Variants in TFEC observed in about 807,000 individuals in gnomAD.
The protein encoded by TFEC is transcription factor EC, also known as class E basic helix-loop-helix protein 34.
Under a neutral mutation model 41.6 loss-of-function variants are expected in TFEC, and 31 were observed. The ratio of observed to expected loss-of-function variants is 0.74; its 90% CI spans 0.56 to 1.01. The LOEUF (loss-of-function observed/expected upper bound fraction) is 1.01. Ranked by LOEUF, TFEC falls within the 50% of genes least tolerant of loss-of-function variation. TFEC has a pLI of 0.00. For missense variants in TFEC, 402 were observed against 404.1 expected (o/e 0.99, Z 0.04); for synonymous variants, 143 against 140.6 (o/e 1.02, Z -0.12).
intron 1 of TFEC, among the ~76,000 whole-genome samples, chr7:115,992,310 A>G (rs1794156893): frequency 6.6e-6 from 1 of 152,246 alleles, no homozygotes; most frequent in Non-Finnish European, 1.5e-5. Flanking sequence ...GAGAAGCAAG[A>G]GAAAACACAT....
intron 3 of TFEC, among the ~76,000 whole-genome samples, chr7:116,107,909 T>C (rs1008803889): frequency 4.6e-5 from 7 of 152,184 alleles, no homozygotes; most frequent in Non-Finnish European, 1.0e-4. Context: ...TAGAATACTA[T>C]ATGTAAAGTG....
chr7:116,142,986 G>T (rs1798571415), intron 1 of TFEC, among the ~76,000 whole-genome samples: 1 of 152,180 alleles, frequency 6.6e-6, no homozygotes, highest in Non-Finnish European at 1.5e-5. Flanking sequence ...GGTAAAGCCT[G>T]CATTTCCCAG....
At chr7:116,030,544 C>G (rs942736618) in intron 1 of TFEC, 89 bp downstream of exon 1, 1 of 788,896 alleles carries the variant, frequency 1.3e-6, no homozygotes, top group African/African-American at 1.9e-5. Context: ...AAGCAAGCCA[C>G]ACATATCAAA....
chr7:116,115,742 C>A (rs372725228), intron 1 of TFEC, among the ~76,000 whole-genome samples: 4 of 151,962 alleles, frequency 2.6e-5, no homozygotes, highest in East Asian at 1.9e-4. Context: ...ATTCAGCATA[C>A]CACATCCACT....
At chr7:116,139,965 G>C (rs899271055) in intron 1 of TFEC, among the ~76,000 whole-genome samples, 4 of 152,206 alleles carry the variant, frequency 2.6e-5, no homozygotes, top group African/African-American at 9.6e-5. Flanking sequence ...AAGAGACATA[G>C]ATCCAAGGAT....
rs992722820 is a variant in TFEC at position 115,936,513 on chromosome 7, C to A, written c.*4038G>T. 6.6e-6 allele frequency: 1 copy of A among 151,514 alleles called. No individual in the cohort carries two copies. Among genetic ancestry groups the A allele is most frequent in the African/African-American group, 2.4e-5 (1 of 41,346 alleles). 9.4% of individuals were successfully genotyped at this position (151,514 alleles called of 1,614,324 possible). On this transcript the variant is annotated 3_prime_UTR_variant, in exon 8 of 8. Coordinates refer to ENST00000265440, the MANE Select transcript of TFEC (RefSeq NM_012252.4). ...AATACCTAAAGTGTTTGAATAGGGTCAAAGACATTGTAAAAAAATTTGGAA... is the reference window on the plus strand; with the variant it reads ...AATACCTAAAGTGTTTGAATAGGGTAAAAGACATTGTAAAAAAATTTGGAA...
At chr7:116,095,904 C>T (rs1043343793) in intron 3 of TFEC, among the ~76,000 whole-genome samples, 1 of 152,142 alleles carries the variant, frequency 6.6e-6, no homozygotes, top group African/African-American at 2.4e-5. Flanking sequence ...CTATCCTTTG[C>T]TTATTATCCT....
chr7:116,153,250 T>C (rs562362619), intron 1 of TFEC, among the ~76,000 whole-genome samples: 1 of 146,322 alleles, frequency 6.8e-6, no homozygotes, highest in South Asian at 2.2e-4. Flanking sequence ...GTTTTTGTTT[T>C]GTTTCGTTTT....
At chr7:116,155,922 C>T (rs79388984) in intron 1 of TFEC, among the ~76,000 whole-genome samples, 1,826 of 152,222 alleles carry the variant, frequency 0.012, 36 homozygotes, top group African/African-American at 0.042. Flanking sequence ...TTTACTGATC[C>T]TTTGATACTT....
chr7:116,077,675 C>A (rs1334094463), intron 3 of TFEC, among the ~76,000 whole-genome samples: 1 of 151,828 alleles, frequency 6.6e-6, no homozygotes, highest in African/African-American at 2.4e-5. Context: ...TTAAAAAAGA[C>A]AAAGAGGGAC....
At chr7:116,109,750 A>T (rs1797806303) in intron 3 of TFEC, among the ~76,000 whole-genome samples, 1 of 152,238 alleles carries the variant, frequency 6.6e-6, no homozygotes, top group African/African-American at 2.4e-5. Context: ...ATTATAAGTC[A>T]TGCTGCTATA....
chr7:116,097,208 A>G (rs1283932427), intron 3 of TFEC, among the ~76,000 whole-genome samples: 2 of 152,184 alleles, frequency 1.3e-5, no homozygotes, highest in Non-Finnish European at 2.9e-5. Context: ...GAGACTATGA[A>G]GTATGTAGAC....
chr7:116,005,052 A>G (rs889650927), intron 1 of TFEC, among the ~76,000 whole-genome samples: 1 of 152,172 alleles, frequency 6.6e-6, no homozygotes, highest in African/African-American at 2.4e-5. Context: ...TTCACCTTCC[A>G]CTATGATTGT....
chr7:116,110,903 C>T (rs1209696518), exon 3 of TFEC: 3 of 1,524,754 alleles, frequency 2.0e-6, no homozygotes, highest in East Asian at 2.5e-5. Context: ...AAGCTTGTAA[C>T]ATATTTCTCT....
chr7:116,024,135 T>TG (rs1420491358), intron 1 of TFEC, among the ~76,000 whole-genome samples: 9 of 152,170 alleles, frequency 5.9e-5, no homozygotes, highest in Non-Finnish European at 1.3e-4. Flanking sequence ...CCATCTTTTC[T>TG]GGTCCCATGT....
Position 116,030,668 on chromosome 7 carries a change from T to C in TFEC, c.-108A>G. On this transcript the variant is annotated 5_prime_UTR_variant, in exon 1 of 8. An upstream open reading frame in the 5' UTR loses its in-frame stop. Transcript: ENST00000265440. ...TGGATTTTATCAGTGTTGTCATCTC[T>C]ACAAACAGCACCAAATTATAATCCC... 1.0e-6 allele frequency: 1 copy of C among 985,434 alleles called. No individual in the cohort carries two copies. The highest frequency in any genetic ancestry group is 1.2e-6 in the Non-Finnish European group (1 of 829,940). 61.0% of individuals were successfully genotyped at this position (985,434 alleles called of 1,614,324 possible).
chr7:116,106,862 T>A (rs1307675453), intron 3 of TFEC, among the ~76,000 whole-genome samples: 1 of 152,220 alleles, frequency 6.6e-6, no homozygotes, highest in African/African-American at 2.4e-5. Flanking sequence ...TGTTTACATA[T>A]CACTTTTGCA....
At chr7:115,995,737 C>G (rs973824747) in intron 1 of TFEC, among the ~76,000 whole-genome samples, 2 of 152,166 alleles carry the variant, frequency 1.3e-5, no homozygotes, top group Non-Finnish European at 2.9e-5. Flanking sequence ...CTCCCCCAAC[C>G]CTGACACGGC....
intron 1 of TFEC, among the ~76,000 whole-genome samples, chr7:116,154,026 A>T (rs1020405520): frequency 6.6e-6 from 1 of 152,190 alleles, no homozygotes; most frequent in Non-Finnish European, 1.5e-5. Context: ...AGGAGAGAAG[A>T]GTGTTTCTGC....
Sources: gnomAD v4.1 joint callset for allele counts (sites outside exome capture counted in the v4.1 genomes callset) on GRCh38, gnomAD v4.1.1 for gene constraint, MANE v1.5 for transcripts, NCBI Gene and HGNC (gene_info 2026-07-23, HGNC 2026-07-21) for gene names.